Variants in MOB1B observed in about 807,000 individuals in gnomAD.
The protein encoded by MOB1B is MOB kinase activator 1B, also known as MOB1 Mps One Binder homolog B.
MOB1B carries 19 observed loss-of-function variants against 24.4 expected under a neutral mutation model. The ratio of observed to expected loss-of-function variants is 0.78; its 90% confidence interval spans 0.54 to 1.14. The LOEUF (loss-of-function observed/expected upper bound fraction) is 1.14. MOB1B is among the 50% of genes most tolerant of loss of function. The pLI is 0.00. For synonymous variants in MOB1B, 76 were observed against 82.1 expected (o/e 0.93, Z 0.40); for missense variants, 243 against 259.6 (o/e 0.94, Z 0.44).
At chr4:70,914,872 T>G (rs1032653176) in intron 1 of MOB1B, among the ~76,000 whole-genome samples, 1 of 152,216 alleles carries the variant, frequency 6.6e-6, no homozygotes, top group Non-Finnish European at 1.5e-5. Context: ...TGGGGCTGTG[T>G]GGGCCCCTCC....
At chr4:70,908,349 A>G (rs1166967233) in intron 1 of MOB1B, among the ~76,000 whole-genome samples, 1 of 148,092 alleles carries the variant, frequency 6.8e-6, no homozygotes, top group East Asian at 2.0e-4. Flanking sequence ...TTTTTTTTAA[A>G]TGTCAACAAT....
At position 70,982,006 on chromosome 4, in the gene MOB1B, A is replaced by G. The variant is rs771035113; in HGVS notation, c.600A>G (p.Glu200=). Residue 200 remains glutamate (E), a synonymous_variant, in exon 6 of 6, where the codon GAA becomes GAG. Transcript: ENST00000309395. ...AATTCAACCTTATTGATAGAAGAGAACTTGCACCACTCCAAGAACTGATTG... is the reference window on the plus strand; with the variant it reads ...AATTCAACCTTATTGATAGAAGAGAGCTTGCACCACTCCAAGAACTGATTG... ...VQEFNLIDRR[E]LAPLQELIEK... is the part of the protein sequence containing the mutation. The G allele has an allele frequency of 6.2e-7, 1 of 1,612,114 alleles. No homozygotes were observed. Among genetic ancestry groups the G allele is most frequent in the South Asian group, 1.1e-5 (1 of 91,028 alleles).
intron 1 of MOB1B, among the ~76,000 whole-genome samples, chr4:70,928,894 A>T (rs1736763657): frequency 6.6e-6 from 1 of 151,760 alleles, no homozygotes; most frequent in African/African-American, 2.4e-5. Context: ...AGCCTTATTT[A>T]TTGTATCTTT....
intron 1 of MOB1B, among the ~76,000 whole-genome samples, chr4:70,917,761 C>A (rs1324961757): frequency 6.6e-6 from 1 of 152,054 alleles, no homozygotes; most frequent in Non-Finnish European, 1.5e-5. Context: ...TAATAAAATC[C>A]CTTTATAAAA....
intron 5 of MOB1B, 85 bp from the exon 6 acceptor site, chr4:70,981,895 A>G: frequency 2.2e-6 from 2 of 911,838 alleles, no homozygotes; most frequent in South Asian, 2.9e-5. Flanking sequence ...CTAATTTCCA[A>G]CAAATGTTCA....
intron 1 of MOB1B, among the ~76,000 whole-genome samples, chr4:70,918,111 G>A (rs1471720329): frequency 6.6e-6 from 1 of 152,112 alleles, no homozygotes; most frequent in Non-Finnish European, 1.5e-5. Context: ...GCAATCCCAT[G>A]TACCTAAACA....
chr4:70,951,117 C>G (rs914463479), intron 1 of MOB1B, among the ~76,000 whole-genome samples: 1 of 151,976 alleles, frequency 6.6e-6, no homozygotes, highest in African/African-American at 2.4e-5. Flanking sequence ...ACATATTCTT[C>G]AGTGTCAATA....
Position 70,959,807 on chromosome 4 carries a change from G to A in MOB1B, c.181+767G>A, listed in dbSNP as rs563419794. 6.6e-5 allele frequency among the ~76,000 whole-genome samples: 10 copies of A among 152,166 alleles called. 1 individual carries two copies. Among genetic ancestry groups the A allele is most frequent in the Non-Finnish European group, 1.2e-4 (8 of 68,020 alleles). ...AAATATACAGCTATAGAATTTCAGA[G>A]TCTATAGAGTCAACCACTATACTAA... On this transcript the variant is annotated intron_variant, in intron 2 of 5. Coordinates refer to ENST00000309395, the MANE Select transcript of MOB1B (RefSeq NM_173468.4).
chr4:70,940,079 T>C, intron 1 of MOB1B, among the ~76,000 whole-genome samples: 1 of 152,032 alleles, frequency 6.6e-6, no homozygotes. Context: ...CTCGATGTCC[T>C]CTTGACCTCC....
chr4:70,966,275 TG>T (rs1325129382), intron 2 of MOB1B, among the ~76,000 whole-genome samples: 2 of 152,132 alleles, frequency 1.3e-5, no homozygotes, highest in Non-Finnish European at 2.9e-5. Flanking sequence ...CCTCAGGTTG[TG>T]GCTCACACCT....
At chr4:70,964,335 A>G (rs1738428648) in intron 2 of MOB1B, among the ~76,000 whole-genome samples, 1 of 152,230 alleles carries the variant, frequency 6.6e-6, no homozygotes, top group Non-Finnish European at 1.5e-5. Context: ...AAAAATGGAA[A>G]CCAATACATT....
chr4:70,986,052 TAA>T lies in MOB1B; in HGVS notation c.*3996_*3997del, dbSNP rs1278054936. ...TTTTACTTTTTAAAAACATTCAGCT[TAA>T]TTACCTTACCTTAATTACCTTAGTT... On this transcript the variant is annotated 3_prime_UTR_variant, in exon 6 of 6. Transcript: ENST00000309395. 1 of 152,218 alleles carries T rather than the reference TAA, an allele frequency of 6.6e-6. No homozygotes were observed. The highest frequency in any genetic ancestry group is 1.5e-5 in the Non-Finnish European group (1 of 68,042). The allele number at this position is 152,218 out of a possible 1,614,324, so 9.4% of individuals were successfully genotyped here. A position where few individuals can be genotyped will look rare whatever the true frequency, so the allele number is the denominator to read the frequency against.
chr4:70,908,324 G>A (rs1241875409), intron 1 of MOB1B, among the ~76,000 whole-genome samples: 2 of 148,882 alleles, frequency 1.3e-5, no homozygotes. Flanking sequence ...CACTGTGCCC[G>A]GCCCTCTTTT....
intron 1 of MOB1B, among the ~76,000 whole-genome samples, chr4:70,932,310 G>A (rs1736918047): frequency 6.6e-6 from 1 of 152,096 alleles, no homozygotes; most frequent in African/African-American, 2.4e-5. Flanking sequence ...CAATTAAATA[G>A]CTTACCTGGA....
intron 1 of MOB1B, among the ~76,000 whole-genome samples, chr4:70,922,095 A>C (rs1028601256): frequency 1.3e-5 from 2 of 152,232 alleles, no homozygotes; most frequent in African/African-American, 4.8e-5. Context: ...CATTTTGTAT[A>C]CAGAATTACG....
At chr4:70,923,510 C>G (rs1194743212) in intron 1 of MOB1B, among the ~76,000 whole-genome samples, 4 of 152,130 alleles carry the variant, frequency 2.6e-5, no homozygotes, top group African/African-American at 9.7e-5. Flanking sequence ...GTCAAATTTT[C>G]TTTTATTGCT....
intron 1 of MOB1B, among the ~76,000 whole-genome samples, chr4:70,956,291 A>G (rs1369209554): frequency 6.6e-6 from 1 of 151,620 alleles, no homozygotes. Context: ...GGTTGAAAAA[A>G]AATTTTAAAT....
intron 1 of MOB1B, among the ~76,000 whole-genome samples, chr4:70,953,866 C>T (rs1332618845): frequency 6.6e-6 from 1 of 152,126 alleles, no homozygotes; most frequent in African/African-American, 2.4e-5. Context: ...ATCACTTGAA[C>T]TTGGGAGGCG....
intron 1 of MOB1B, among the ~76,000 whole-genome samples, chr4:70,954,358 G>A (rs1560653088): frequency 6.6e-6 from 1 of 152,178 alleles, no homozygotes; most frequent in African/African-American, 2.4e-5. Context: ...GAAAAAATAG[G>A]CTCTGGAAAG....
Sources: gnomAD v4.1 joint callset for allele counts (sites outside exome capture counted in the v4.1 genomes callset) on GRCh38, gnomAD v4.1.1 for gene constraint, MANE v1.5 for transcripts, NCBI Gene and HGNC (gene_info 2026-07-23, HGNC 2026-07-21) for gene names.